The following DPEP2 variants were observed in gnomAD, a reference collection of about 807,000 sequenced individuals.
DPEP2 encodes the protein dipeptidase 2.
A neutral mutation model predicts 51.8 loss-of-function variants in DPEP2; 45 were observed. That is an observed-to-expected ratio of 0.87 (90% CI 0.68 to 1.11). The LOEUF is 1.11. Among genes scored for constraint, DPEP2 ranks in the 50% most tolerant of loss-of-function variants. The pLI is 0.00. For missense variants in DPEP2, 604 were observed against 631.9 expected (o/e 0.96, Z 0.47); for synonymous variants, 255 against 262.7 (o/e 0.97, Z 0.28).
At position 67,990,951 on chromosome 16, in the gene DPEP2, G is replaced by A. The variant is rs1248746992; in HGVS notation, c.779C>T (p.Ser260Phe). Residue 260 changes from serine (S) to phenylalanine (F), a missense_variant, in exon 7 of 11, where the codon TCC becomes TTC. Transcript: ENST00000393847. Reference protein sequence around the residue: ...MNRLGMMVDLSHVSDAVARRA... With the variant: ...MNRLGMMVDLFHVSDAVARRA... ...CCGTGCCACAGCATCTGAGACATGG[G>A]ATAAGTCTACCATCATGCCCAGGCG... The A allele has an allele frequency of 1.9e-6, 3 of 1,614,220 alleles. No homozygotes were observed. The highest frequency in any genetic ancestry group is 1.7e-6 in the Non-Finnish European group (2 of 1,180,050).
upstream of DPEP2, chr16:68,000,555 T>TTCCCAA (rs2032959013): frequency 1.1e-6 from 1 of 922,360 alleles, no homozygotes; most frequent in South Asian, 5.0e-5. Context: ...CCATGATGTC[T>TTCCCAA]GATACAGACA....
chr16:67,997,520 C>G (rs1307775126), intron 1 of DPEP2, among the ~76,000 whole-genome samples: 1 of 152,008 alleles, frequency 6.6e-6, no homozygotes, highest in Non-Finnish European at 1.5e-5. Flanking sequence ...ACACGCCCGG[C>G]TAATTTTTTG....
chr16:67,990,040 G>T lies in DPEP2; in HGVS notation c.994+7C>A, dbSNP rs767561904. 3 of 1,613,982 alleles carry T rather than the reference G, an allele frequency of 1.9e-6. No homozygotes were observed. In the African/African-American group the frequency reaches 4.0e-5, roughly 22 times the overall value. On this transcript the variant is annotated splice_region_variant and intron_variant, in intron 8 of 10. Coordinates refer to ENST00000393847, the MANE Select transcript of DPEP2 (RefSeq NM_022355.4). ...AACTGTTCAGAGAGCCCGGGAGAGG[G>T]AGTTACCTGCCACAGTGGACACATT...
In DPEP2 at chr16:67,993,238, A is replaced by T; in HGVS notation, c.-26T>A. 1 of 1,414,722 alleles carries T rather than the reference A, an allele frequency of 7.1e-7. No homozygotes were observed. The highest frequency in any genetic ancestry group is 1.5e-5 in the African/African-American group (1 of 67,998). The allele number at this position is 1,414,722 out of a possible 1,614,324, so 87.6% of individuals were successfully genotyped here. ...GTTGTGCAGGGCCGGGCAGGCAGGC[A>T]GGGGTGGCAGTCAGAGAGCCTGAGA... On this transcript the variant is annotated 5_prime_UTR_variant, in exon 2 of 11. Coordinates refer to ENST00000393847, the MANE Select transcript of DPEP2 (RefSeq NM_022355.4).
rs2032117542 is a variant in DPEP2, at chr16:67,991,262, A to G, written c.663-78T>C. 6.9e-7 allele frequency: 1 copy of G among 1,439,198 alleles called. No homozygotes were observed. The highest frequency in any genetic ancestry group is 9.6e-7 in the Non-Finnish European group (1 of 1,040,828). 89.2% of individuals were successfully genotyped at this position (1,439,198 alleles called of 1,614,324 possible). A position where few individuals can be genotyped will look rare whatever the true frequency, so the allele number is the denominator to read the frequency against. ...AGTCTAGAGGCCCTACCCACCCTCC[A>G]TCCCTGCACCCCCCTGAAACAAAAA... On this transcript the variant is annotated intron_variant, in intron 5 of 10. Transcript: ENST00000393847. This position sits in a 1 kb window ranked among gnomAD's most constrained non-coding sequence, Gnocchi z 5.1.
intron 7 of DPEP2, among the ~76,000 whole-genome samples, chr16:67,990,517 G>A (rs2031995408): frequency 6.6e-6 from 1 of 152,164 alleles, no homozygotes. Flanking sequence ...AGGCTGGAGT[G>A]CTGTGGCGTG....
intron 1 of DPEP2, among the ~76,000 whole-genome samples, chr16:67,998,324 G>C (rs944304053): frequency 1.3e-5 from 2 of 152,158 alleles, no homozygotes; most frequent in Non-Finnish European, 2.9e-5. Context: ...CGCGGGCCCT[G>C]CTGGCCCCGG....
chr16:67,996,358 ATTTTTTT>A (rs2032695923), intron 1 of DPEP2, among the ~76,000 whole-genome samples: 1 of 151,046 alleles, frequency 6.6e-6, no homozygotes, highest in Non-Finnish European at 1.5e-5. Flanking sequence ...AACTTTTTGA[ATTTTTTT>A]TCTTTTTTTT....
intron 3 of DPEP2, 21 bp from the exon 4 acceptor site, chr16:67,992,214 TG>T: frequency 3.1e-6 from 5 of 1,612,364 alleles, no homozygotes; most frequent in Non-Finnish European, 4.2e-6. Context: ...GGCCAGGGTT[TG>T]GCTTGGATGG....
chr16:67,988,995 G>A (rs1263792793), intron 9 of DPEP2, among the ~76,000 whole-genome samples: 2 of 152,164 alleles, frequency 1.3e-5, no homozygotes, highest in East Asian at 3.8e-4. Context: ...GAAGGAGAAG[G>A]AGAGGAAGAG....
At chr16:67,997,756 G>C (rs1211921991) in intron 1 of DPEP2, among the ~76,000 whole-genome samples, 4 of 152,218 alleles carry the variant, frequency 2.6e-5, no homozygotes, top group Non-Finnish European at 5.9e-5. Context: ...GCCTGTAAGG[G>C]GGAGAAGCAG....
chr16:67,998,236 G>C (rs554500118), intron 1 of DPEP2, among the ~76,000 whole-genome samples: 3 of 152,300 alleles, frequency 2.0e-5, no homozygotes, highest in African/African-American at 7.2e-5. Context: ...AGTGGGAACC[G>C]GGGCTGCGAG....
intron 2 of DPEP2, 136 bp downstream of exon 2, chr16:67,992,814 G>T: frequency 6.8e-7 from 1 of 1,477,018 alleles, no homozygotes; most frequent in Non-Finnish European, 9.0e-7. Flanking sequence ...AGGGGAAAGG[G>T]TACCCATGCA....
At position 67,992,629 on chromosome 16, in the gene DPEP2, C is replaced by A. The variant is rs144507252; in HGVS notation, c.271G>T (p.Asp91Tyr). 2 of 1,613,258 alleles carry A rather than the reference C, an allele frequency of 1.2e-6. No individual in the cohort carries two copies. The highest frequency in any genetic ancestry group is 1.3e-5 in the African/African-American group (1 of 74,910). The change falls in exon 3 of 11, where the codon GAC becomes TAC. Residue 91 changes from aspartate to tyrosine, a missense_variant. Asp to Tyr is a radical substitution (Grantham distance 160). Coordinates refer to ENST00000393847, the MANE Select transcript of DPEP2 (RefSeq NM_022355.4). Reference protein sequence around the residue: ...RDFPLVDGHNDLPLVLRQVYQ... With the variant: ...RDFPLVDGHNYLPLVLRQVYQ... ...ACCTGCCTTAGGACCAGGGGCAGGTCGTTGTGGCTGGAGGGATGTCAAGCC... is the reference window on the plus strand; with the variant it reads ...ACCTGCCTTAGGACCAGGGGCAGGTAGTTGTGGCTGGAGGGATGTCAAGCC...
rs1598258379 is a variant in DPEP2, at chr16:67,989,178, T to G, written c.1070+145A>C. 6 of 841,854 alleles carry G rather than the reference T, an allele frequency of 7.1e-6. No individual in the cohort carries two copies. In the East Asian group the frequency reaches 1.6e-4, roughly 23 times the overall value. 52.1% of individuals were successfully genotyped at this position (841,854 alleles called of 1,614,324 possible). Reference sequence around the variant, plus strand: ...CCAAGTATAATGTCCTAGAGTGGGGTCACTGGGATGAAGACAAACAGGAGA... The same window carrying G: ...CCAAGTATAATGTCCTAGAGTGGGGGCACTGGGATGAAGACAAACAGGAGA... On this transcript the variant is annotated intron_variant, in intron 9 of 10. Coordinates refer to ENST00000393847, the MANE Select transcript of DPEP2 (RefSeq NM_022355.4).
At chr16:67,990,514 A>G (rs2031995017) in intron 7 of DPEP2, among the ~76,000 whole-genome samples, 2 of 152,078 alleles carry the variant, frequency 1.3e-5, no homozygotes, top group South Asian at 4.1e-4. Context: ...CCCAGGCTGG[A>G]GTGCTGTGGC....
intron 1 of DPEP2, chr16:67,994,122 TC>T: frequency 1.0e-6 from 1 of 985,250 alleles, no homozygotes; most frequent in East Asian, 1.1e-4. Context: ...GGAAATGAAG[TC>T]TTGTCTAGGG....
intron 1 of DPEP2, chr16:67,993,916 A>T: frequency 4.1e-6 from 4 of 985,296 alleles, no homozygotes; most frequent in Non-Finnish European, 4.8e-6. Flanking sequence ...AGCTACTAGG[A>T]CCTGTCAGGA....
At position 67,987,675 on chromosome 16, in the gene DPEP2, G is replaced by A. The variant is rs1381489505; in HGVS notation, c.1292C>T (p.Ser431Leu). ...CAGACTCTGTCTCTGACGCAGACGT[G>A]AGAGGTCGGAGTGGCAGGAACTGCT... ...QLSSSCHSDL[S>L]RLRQRQSLTS... Residue 431 changes from serine to leucine, a missense_variant, in exon 11 of 11, where the codon TCA (serine) becomes TTA (leucine). Coordinates refer to ENST00000393847, the MANE Select transcript of DPEP2 (RefSeq NM_022355.4). 1 of 1,614,220 alleles carries A rather than the reference G, an allele frequency of 6.2e-7. No homozygotes were observed. Among genetic ancestry groups the A allele is most frequent in the East Asian group, 2.2e-5 (1 of 44,882 alleles).
Sources: gnomAD v4.1 joint callset for allele counts (sites outside exome capture counted in the v4.1 genomes callset) on GRCh38, gnomAD v4.1.1 for gene constraint, Gnocchi (gnomAD v3.1) non-coding constraint, MANE v1.5 for transcripts, NCBI Gene and HGNC (gene_info 2026-07-23, HGNC 2026-07-21) for gene names.